Variants in NAV2 observed in about 807,000 individuals in gnomAD.
The protein encoded by NAV2 is neuron navigator 2.
Under a neutral mutation model 223.2 loss-of-function variants are expected in NAV2, and 54 were observed. The ratio of observed to expected loss-of-function variants is 0.24; its 90% CI spans 0.19 to 0.30. NAV2 has a LOEUF of 0.30. Among genes scored for constraint, NAV2 ranks in the 10% least tolerant of loss-of-function variants. The pLI is 1.00. For missense variants in NAV2, 2,806 were observed against 3,147.5 expected (o/e 0.89, Z 2.60); for synonymous variants, 1,279 against 1,239.3 (o/e 1.03, Z -0.67).
intron 1 of NAV2, among the ~76,000 whole-genome samples, chr11:19,744,484 C>T (rs1207803372): frequency 6.6e-6 from 1 of 152,230 alleles, no homozygotes; most frequent in East Asian, 1.9e-4. Flanking sequence ...GGAAGGAGCA[C>T]CACTAATTGT....
At chr11:19,789,079 C>T (rs1278600560) in intron 1 of NAV2, among the ~76,000 whole-genome samples, 1 of 152,038 alleles carries the variant, frequency 6.6e-6, no homozygotes, top group Non-Finnish European at 1.5e-5. Context: ...ATTTATTTGA[C>T]TAAATCAACA....
chr11:19,686,047 C>T (rs1310127976), intron 1 of NAV2, among the ~76,000 whole-genome samples: 3 of 152,130 alleles, frequency 2.0e-5, no homozygotes, highest in African/African-American at 4.8e-5. Context: ...ACACTGCTCC[C>T]CCAGCTCCCT....
chr11:20,038,245 G>T (rs1027705210), intron 12 of NAV2, among the ~76,000 whole-genome samples: 1 of 152,116 alleles, frequency 6.6e-6, no homozygotes, highest in Non-Finnish European at 1.5e-5. Context: ...ATCAGAAAAG[G>T]CTGCAGGATT....
chr11:19,510,125 A>C (rs2043233538), intron 1 of NAV2, among the ~76,000 whole-genome samples: 2 of 152,236 alleles, frequency 1.3e-5, no homozygotes, highest in African/African-American at 4.8e-5. Context: ...GAGAGATTGT[A>C]TAGAGGAGAA....
intron 1 of NAV2, among the ~76,000 whole-genome samples, chr11:19,437,639 G>C (rs1428198092): frequency 6.6e-6 from 1 of 152,028 alleles, no homozygotes; most frequent in Non-Finnish European, 1.5e-5. Context: ...TTTGTAAAAA[G>C]GTTGTTGCAT....
chr11:19,550,032 G>T (rs1423390960), intron 1 of NAV2, among the ~76,000 whole-genome samples: 1 of 152,192 alleles, frequency 6.6e-6, no homozygotes, highest in African/African-American at 2.4e-5. Context: ...CAGCCAGGGA[G>T]GGAGGACATA....
At chr11:19,677,248 T>A (rs922764675) in intron 1 of NAV2, among the ~76,000 whole-genome samples, 2 of 152,238 alleles carry the variant, frequency 1.3e-5, no homozygotes, top group African/African-American at 4.8e-5. Flanking sequence ...TGCAGAGTGA[T>A]TTCCAGGCAA....
At chr11:19,444,825 C>G (rs1300661864) in intron 1 of NAV2, among the ~76,000 whole-genome samples, 1 of 151,682 alleles carries the variant, frequency 6.6e-6, no homozygotes, top group Non-Finnish European at 1.5e-5. Flanking sequence ...TGTGTAGACT[C>G]TGGAGTTAGA....
rs2403542 is a variant in NAV2 at position 19,900,307 on chromosome 11, G to C, written c.931+7713G>C. On this transcript the variant is annotated intron_variant, in intron 6 of 37. Transcript: ENST00000349880. Reference sequence around the variant, plus strand: ...AAGTTGTATCAAAGTCTCGGGGCCAGTGTTCAGTTATCTCAGGAGAGGAGT... The same window carrying C: ...AAGTTGTATCAAAGTCTCGGGGCCACTGTTCAGTTATCTCAGGAGAGGAGT... 2.2e-4 allele frequency among the ~76,000 whole-genome samples: 13 copies of C among 58,322 alleles called. No individual in the cohort carries two copies. In the Admixed American group the frequency reaches 2.9e-3, roughly 13 times the overall value. The allele number at this position is 58,322 out of a possible 152,430, so 38.3% of individuals were successfully genotyped here.
chr11:20,089,140 T>C (rs2060652205), intron 26 of NAV2, among the ~76,000 whole-genome samples: 1 of 152,214 alleles, frequency 6.6e-6, no homozygotes. Flanking sequence ...GTCCTGAATC[T>C]ATTGGCTTCA....
At chr11:19,864,638 C>G (rs894594798) in intron 3 of NAV2, among the ~76,000 whole-genome samples, 3 of 152,180 alleles carry the variant, frequency 2.0e-5, no homozygotes, top group Admixed American at 6.6e-5. Flanking sequence ...TGCAACACAG[C>G]CCATGGAAGT....
chr11:19,394,333 A>C (rs1175813192), intron 1 of NAV2, among the ~76,000 whole-genome samples: 3 of 152,198 alleles, frequency 2.0e-5, no homozygotes, highest in South Asian at 2.1e-4. Flanking sequence ...CTTTGATTTA[A>C]AAAGGAAAAC....
At chr11:19,943,236 A>G (rs901484038) in intron 8 of NAV2, among the ~76,000 whole-genome samples, 5 of 152,204 alleles carry the variant, frequency 3.3e-5, no homozygotes, top group Admixed American at 6.5e-5. Context: ...ATTGGCAGTA[A>G]AAGATTTCAC....
At chr11:20,005,747 C>T (rs1189729680) in intron 11 of NAV2, among the ~76,000 whole-genome samples, 1 of 152,160 alleles carries the variant, frequency 6.6e-6, no homozygotes, top group Non-Finnish European at 1.5e-5. Flanking sequence ...CTGGTGTGTC[C>T]TTCACTTTTC....
intron 1 of NAV2, among the ~76,000 whole-genome samples, chr11:19,636,586 G>T (rs2047509192): frequency 6.6e-6 from 1 of 151,840 alleles, no homozygotes; most frequent in African/African-American, 2.4e-5. Flanking sequence ...CGCCTCCCGG[G>T]TTCACGCCAT....
At chr11:19,438,968 C>A (rs192808714) in intron 1 of NAV2, among the ~76,000 whole-genome samples, 2 of 151,898 alleles carry the variant, frequency 1.3e-5, no homozygotes, top group Non-Finnish European at 2.9e-5. Context: ...TTAGCTCAAT[C>A]GCCAGCCCCT....
chr11:19,900,647 G>C (rs988663974), intron 6 of NAV2, among the ~76,000 whole-genome samples: 1 of 151,994 alleles, frequency 6.6e-6, no homozygotes, highest in Non-Finnish European at 1.5e-5. Context: ...ATAAATTCTA[G>C]GGTTCCCACA....
At chr11:19,595,008 T>C (rs1306351330) in intron 1 of NAV2, among the ~76,000 whole-genome samples, 1 of 151,848 alleles carries the variant, frequency 6.6e-6, no homozygotes, top group Non-Finnish European at 1.5e-5. Flanking sequence ...AGGACTTAGG[T>C]GCAAGTTTAT....
At chr11:19,746,420 T>C (rs991871491) in intron 1 of NAV2, among the ~76,000 whole-genome samples, 9 of 152,188 alleles carry the variant, frequency 5.9e-5, no homozygotes, top group Admixed American at 1.3e-4. Flanking sequence ...ATGCCTCCAA[T>C]CTTATTTTAA....
Sources: gnomAD v4.1 joint callset for allele counts (sites outside exome capture counted in the v4.1 genomes callset) on GRCh38, gnomAD v4.1.1 for gene constraint, MANE v1.5 for transcripts, NCBI Gene and HGNC (gene_info 2026-07-23, HGNC 2026-07-21) for gene names.